PLCB4: variants seen among roughly 807,000 people sequenced by gnomAD.
PLCB4 encodes phospholipase C beta 4.
A neutral mutation model predicts 178.8 loss-of-function variants in PLCB4; 77 were observed. The observed-to-expected ratio is 0.43, with a 90% CI of 0.36 to 0.52. The LOEUF (loss-of-function observed/expected upper bound fraction) is 0.52, where lower values mean the gene tolerates loss of function less well. Ranked by LOEUF, PLCB4 falls within the 20% of genes least tolerant of loss-of-function variation. The pLI, the probability that PLCB4 is intolerant of heterozygous loss-of-function variation, is 0.00. For missense variants in PLCB4, 1,024 were observed against 1,453.4 expected (o/e 0.70, Z 4.80); for synonymous variants, 496 against 490.8 (o/e 1.01, Z -0.14).
At chr20:9,453,931 G>C (rs1413465884) in intron 33 of PLCB4, among the ~76,000 whole-genome samples, 1 of 152,144 alleles carries the variant, frequency 6.6e-6, no homozygotes, top group African/African-American at 2.4e-5. Flanking sequence ...GAAATTGACA[G>C]TGGTGCAATA....
chr20:9,313,326 A>G (rs1371523291), intron 4 of PLCB4, among the ~76,000 whole-genome samples: 7 of 152,178 alleles, frequency 4.6e-5, no homozygotes, highest in Non-Finnish European at 1.0e-4. Context: ...ACCTTTATCT[A>G]TTTAAAGTAA....
intron 35 of PLCB4, among the ~76,000 whole-genome samples, chr20:9,461,228 A>G (rs776961690): frequency 5.3e-5 from 8 of 152,254 alleles, no homozygotes. Context: ...TTAGGAAGTC[A>G]TTTGAAGAGA....
chr20:9,244,196 T>A (rs1311222361), intron 3 of PLCB4, among the ~76,000 whole-genome samples: 4 of 152,206 alleles, frequency 2.6e-5, no homozygotes, highest in Non-Finnish European at 5.9e-5. Context: ...TCTACTCAGA[T>A]GAACTTTCCC....
intron 3 of PLCB4, among the ~76,000 whole-genome samples, chr20:9,238,686 G>A (rs1422826127): frequency 6.6e-6 from 1 of 152,170 alleles, no homozygotes; most frequent in African/African-American, 2.4e-5. Context: ...AATTTTCCAT[G>A]CTGTAAATAA....
chr20:9,232,586 T>A (rs937635855), intron 3 of PLCB4, among the ~76,000 whole-genome samples: 3 of 152,104 alleles, frequency 2.0e-5, no homozygotes, highest in Non-Finnish European at 2.9e-5. Context: ...TCAACAGAAG[T>A]ATGGAAACTT....
intron 35 of PLCB4, among the ~76,000 whole-genome samples, chr20:9,467,450 A>T (rs561022996): frequency 9.2e-5 from 14 of 152,258 alleles, no homozygotes; most frequent in East Asian, 5.8e-4. Flanking sequence ...AATAAATAAA[A>T]TAAATCCATG....
intron 2 of PLCB4, among the ~76,000 whole-genome samples, chr20:9,169,165 A>G (rs1242924966): frequency 6.6e-6 from 1 of 152,154 alleles, no homozygotes; most frequent in East Asian, 1.9e-4. Context: ...GTGAATTTAA[A>G]TATAGAAACT....
rs565428900 is a variant in PLCB4 at position 9,371,104 on chromosome 20, C to T, written c.504-110C>T. On this transcript the variant is annotated intron_variant, in intron 9 of 39. Transcript: ENST00000378473. Reference sequence around the variant, plus strand: ...TGCAATGAGAGGTAATTTTATTCTCCTCTTCCTTTTACCCTAGTCTCACTC... The same window carrying T: ...TGCAATGAGAGGTAATTTTATTCTCTTCTTCCTTTTACCCTAGTCTCACTC... The T allele has an allele frequency of 5.4e-6, 4 of 737,462 alleles. No individual in the cohort carries two copies. In the African/African-American group the frequency reaches 7.0e-5, roughly 13 times the overall value. The allele number at this position is 737,462 out of a possible 1,614,324, so 45.7% of individuals were successfully genotyped here.
intron 2 of PLCB4, among the ~76,000 whole-genome samples, chr20:9,113,476 A>G (rs1382381008): frequency 2.0e-5 from 3 of 152,154 alleles, no homozygotes; most frequent in Non-Finnish European, 4.4e-5. Context: ...TATCTTTCAG[A>G]TATGTTATAG....
intron 35 of PLCB4, among the ~76,000 whole-genome samples, chr20:9,464,373 G>A (rs2043618038): frequency 6.6e-6 from 1 of 152,132 alleles, no homozygotes; most frequent in African/African-American, 2.4e-5. Context: ...AAAAGAACTA[G>A]AGACGCAAGA....
At chr20:9,090,225 A>ATGTGTGTGTGAG (rs2090615225) in intron 1 of PLCB4, among the ~76,000 whole-genome samples, 1 of 149,418 alleles carries the variant, frequency 6.7e-6, no homozygotes, top group Admixed American at 6.7e-5. Context: ...AATACTATTT[A>ATGTGTGTGTGAG]TGTGTGTGTG....
At chr20:9,153,346 A>T (rs1003180051) in intron 2 of PLCB4, among the ~76,000 whole-genome samples, 1 of 152,102 alleles carries the variant, frequency 6.6e-6, no homozygotes, top group African/African-American at 2.4e-5. Context: ...CAGAATTCCC[A>T]TGTCTTGTGG....
At chr20:9,394,287 A>T (rs1272304172) in intron 18 of PLCB4, among the ~76,000 whole-genome samples, 1 of 152,156 alleles carries the variant, frequency 6.6e-6, no homozygotes, top group Non-Finnish European at 1.5e-5. Context: ...AATTATGTTA[A>T]TGACAGTTTA....
At chr20:9,474,851 G>A (rs1223028978) in intron 38 of PLCB4, among the ~76,000 whole-genome samples, 2 of 152,092 alleles carry the variant, frequency 1.3e-5, no homozygotes, top group Non-Finnish European at 2.9e-5. Context: ...CTATTCATAA[G>A]CAAGTCCACT....
At position 9,403,948 on chromosome 20, in the gene PLCB4, C is replaced by T. The variant is rs539907364; in HGVS notation, c.1612-1365C>T. ...TTAAAGAGACATTTCAGTGGAGTGC[C>T]AGGCAGGGTGGTGACACTGGATCAC... On this transcript the variant is annotated intron_variant, in intron 20 of 39. Coordinates refer to ENST00000378473, the MANE Select transcript of PLCB4 (RefSeq NM_001377142.1). Among the ~76,000 whole-genome samples the T allele has an allele frequency of 5.3e-5, 8 of 152,250 alleles. No individual in the cohort carries two copies. The East Asian group carries it at 1.3e-3, about 26-fold the overall frequency.
chr20:9,093,015 T>G (rs1208827401), intron 1 of PLCB4, among the ~76,000 whole-genome samples: 1 of 152,188 alleles, frequency 6.6e-6, no homozygotes, highest in African/African-American at 2.4e-5. Context: ...GGAATTTTGT[T>G]TTTGTCACAT....
chr20:9,232,028 C>G (rs942833494), intron 3 of PLCB4, among the ~76,000 whole-genome samples: 4 of 152,146 alleles, frequency 2.6e-5, no homozygotes, highest in Non-Finnish European at 5.9e-5. Context: ...AAACATTCTG[C>G]TGGGTGAAAG....
chr20:9,294,284 T>G (rs930343042), intron 3 of PLCB4, among the ~76,000 whole-genome samples: 1 of 152,184 alleles, frequency 6.6e-6, no homozygotes, highest in African/African-American at 2.4e-5. Flanking sequence ...AGGGATGTTG[T>G]GTTGGCTGAG....
intron 4 of PLCB4, among the ~76,000 whole-genome samples, chr20:9,311,196 C>G (rs937058225): frequency 1.6e-4 from 24 of 152,186 alleles, no homozygotes; most frequent in African/African-American, 5.1e-4. Flanking sequence ...CCTTCCCAGT[C>G]TTTCCTAGAA....
Sources: gnomAD v4.1 joint callset for allele counts (sites outside exome capture counted in the v4.1 genomes callset) on GRCh38, gnomAD v4.1.1 for gene constraint, MANE v1.5 for transcripts, NCBI Gene and HGNC (gene_info 2026-07-23, HGNC 2026-07-21) for gene names.